Variants in ATRX observed in about 807,000 individuals in gnomAD.
ATRX encodes the protein ATRX chromatin remodeler, also known as chromatin remodeler ATRX.
In ATRX, 12 loss-of-function variants were observed where a neutral mutation model predicts 172.6. That is an observed-to-expected ratio of 0.07 (90% confidence interval 0.04 to 0.11). ATRX has a LOEUF of 0.11. ATRX is among the 10% of genes least tolerant of loss of function. The pLI, the probability that ATRX is intolerant of heterozygous loss-of-function variation, is 1.00. For synonymous variants in ATRX, 674 were observed against 594.7 expected (o/e 1.13, Z -1.94); for missense variants, 1,368 against 1,767.4 (o/e 0.77, Z 4.05).
At position 77,698,646 on chromosome X, in the gene ATRX, A is replaced by G. The variant is rs781950899; in HGVS notation, c.134-17T>C. ...TGATTTTATCTAAAAAAGAAGAAAT[A>G]AAGAACATTATTTATCTCTTCGATG... On this transcript the variant is annotated splice_polypyrimidine_tract_variant and intron_variant, in intron 2 of 34. Transcript: ENST00000373344. 3.4e-6 allele frequency: 4 copies of G among 1,169,192 alleles called. No homozygotes were observed. Among genetic ancestry groups the G allele is most frequent in the Non-Finnish European group, 2.3e-6 (2 of 857,143 alleles).
chrX:77,707,778 G>A (rs149350524), intron 2 of ATRX, among the ~76,000 whole-genome samples: 1,872 of 111,566 alleles, frequency 0.017, 20 homozygotes, highest in Non-Finnish European at 0.026. Flanking sequence ...GGTTTGAATA[G>A]AAGTTTCTCC....
At chrX:77,780,540 G>A (rs1557205064) in intron 1 of ATRX, among the ~76,000 whole-genome samples, 1 of 108,932 alleles carries the variant, frequency 9.2e-6, no homozygotes, top group Non-Finnish European at 1.9e-5. Context: ...ATCTTGGCCA[G>A]GCTGGTCTTG....
intron 1 of ATRX, among the ~76,000 whole-genome samples, chrX:77,733,506 C>T (rs781982049): frequency 4.9e-4 from 54 of 110,120 alleles, no homozygotes; most frequent in African/African-American, 1.7e-3. Flanking sequence ...CACACATCTA[C>T]GGTGAACTCA....
chrX:77,710,327 T>C (rs2073051934), intron 2 of ATRX, among the ~76,000 whole-genome samples: 2 of 107,250 alleles, frequency 1.9e-5, no homozygotes, highest in Admixed American at 1.0e-4. Flanking sequence ...ACAATACAAA[T>C]ACAACTGTGG....
intron 30 of ATRX, among the ~76,000 whole-genome samples, chrX:77,535,779 G>A (rs914749216): frequency 7.5e-5 from 8 of 106,209 alleles, no homozygotes; most frequent in Admixed American, 3.1e-4. Context: ...GTGCAGTGGC[G>A]CAATCTCAGC....
chrX:77,546,658 A>AT (rs2064254731), intron 30 of ATRX, among the ~76,000 whole-genome samples: 1 of 111,342 alleles, frequency 9.0e-6, no homozygotes, highest in East Asian at 2.8e-4. Flanking sequence ...AGCCTGGCTA[A>AT]TTTTTTGTAG....
At chrX:77,669,324 T>C (rs2070427842) in intron 10 of ATRX, among the ~76,000 whole-genome samples, 1 of 110,633 alleles carries the variant, frequency 9.0e-6, no homozygotes, top group African/African-American at 3.3e-5. Flanking sequence ...TTTTTTTTTT[T>C]CCAGACAAAG....
At chrX:77,550,083 C>T (rs994374071) in intron 30 of ATRX, among the ~76,000 whole-genome samples, 1 of 112,257 alleles carries the variant, frequency 8.9e-6, no homozygotes, top group Non-Finnish European at 1.9e-5. Context: ...AATTAAAGCT[C>T]GAATTCTCTT....
chrX:77,590,336 C>A (rs781877852), intron 26 of ATRX, among the ~76,000 whole-genome samples: 2 of 110,863 alleles, frequency 1.8e-5, no homozygotes, highest in South Asian at 7.7e-4. Flanking sequence ...GGTAGCCGGG[C>A]GCAGTGGCTC....
Position 77,681,848 on chromosome X carries a change from T to C in ATRX, c.3408A>G (p.Glu1136=), listed in dbSNP as rs1557137460. The C allele has an allele frequency of 1.0e-5, 12 of 1,197,869 alleles. No individual in the cohort carries two copies. The highest frequency in any genetic ancestry group is 7.9e-6 in the Non-Finnish European group (7 of 890,264). ...TTCTCTTTGAACTTAAATTTCTTCTTTCCCTCAATTCTATTCTTTTCAGTC... is the reference window on the plus strand; with the variant it reads ...TTCTCTTTGAACTTAAATTTCTTCTCTCCCTCAATTCTATTCTTTTCAGTC... ...DKRLKRIELR[E]RRNLSSKRNT... The change falls in exon 9 of 35, where the codon GAA becomes GAG. Residue 1136 remains glutamate, a synonymous_variant. Transcript: ENST00000373344.
At chrX:77,537,202 T>C (rs190427498) in intron 30 of ATRX, among the ~76,000 whole-genome samples, 1 of 112,089 alleles carries the variant, frequency 8.9e-6, no homozygotes, top group African/African-American at 3.2e-5. Context: ...GCAAGTTAAC[T>C]TGCTGAACCC....
chrX:77,563,801 T>C (rs944117549), intron 28 of ATRX, among the ~76,000 whole-genome samples: 1 of 109,271 alleles, frequency 9.2e-6, no homozygotes, highest in Non-Finnish European at 1.9e-5. Context: ...TACAATGTAC[T>C]GTTCACAAGC....
intron 15 of ATRX, among the ~76,000 whole-genome samples, chrX:77,638,211 C>A (rs1300144631): frequency 5.4e-5 from 6 of 111,990 alleles, no homozygotes; most frequent in Non-Finnish European, 7.5e-5. Context: ...TGCCTGTAAT[C>A]CCAGCACTTT....
intron 1 of ATRX, among the ~76,000 whole-genome samples, chrX:77,723,285 G>A (rs1162122752): frequency 3.6e-5 from 4 of 111,037 alleles, no homozygotes; most frequent in South Asian, 3.8e-4. Flanking sequence ...AGATATTTAC[G>A]CAGAAACAGT....
At chrX:77,592,413 CAAA>C (rs111685679) in intron 26 of ATRX, among the ~76,000 whole-genome samples, 1 of 30,406 alleles carries the variant, frequency 3.3e-5, no homozygotes, top group Admixed American at 4.1e-4. Flanking sequence ...AACTCCGTCT[CAAA>C]AAAAAAAAAA....
chrX:77,524,670 C>A (rs1450365314), intron 30 of ATRX, among the ~76,000 whole-genome samples: 2 of 110,336 alleles, frequency 1.8e-5, no homozygotes, highest in African/African-American at 3.3e-5. Context: ...CCCCAATAAA[C>A]ATTTGAAACA....
chrX:77,698,695 C>T (rs190785821), intron 2 of ATRX, 66 bp from the exon 3 acceptor site: 4 of 903,365 alleles, frequency 4.4e-6, no homozygotes, highest in African/African-American at 1.9e-5. Context: ...AACATCAATA[C>T]CTATAACTCC....
intron 34 of ATRX, among the ~76,000 whole-genome samples, chrX:77,514,875 C>T (rs1275508095): frequency 1.8e-5 from 2 of 112,079 alleles, no homozygotes; most frequent in Non-Finnish European, 3.8e-5. Context: ...CATCTAGCAA[C>T]TAATATCCAT....
chrX:77,705,286 G>A (rs1394154757), intron 2 of ATRX, among the ~76,000 whole-genome samples: 1 of 111,884 alleles, frequency 8.9e-6, no homozygotes, highest in African/African-American at 3.2e-5. Flanking sequence ...CTGCTCCCAA[G>A]ACTCAAGAGC....
Sources: allele counts gnomAD v4.1 joint callset (sites outside exome capture counted in the v4.1 genomes callset), GRCh38; gene constraint gnomAD v4.1.1; transcripts MANE v1.5; gene names NCBI Gene and HGNC (gene_info 2026-07-23, HGNC 2026-07-21).